NALCN: variants seen among roughly 807,000 people sequenced by gnomAD.
The protein encoded by NALCN is sodium leak channel NALCN.
In NALCN, 111 loss-of-function variants were observed where a neutral mutation model predicts 225.3. That is an observed-to-expected ratio of 0.49 (90% CI 0.42 to 0.58). The LOEUF is 0.58. Ranked by LOEUF, NALCN falls within the 20% of genes least tolerant of loss-of-function variation. NALCN has a pLI of 0.00. For missense variants in NALCN, 1,378 were observed against 2,202.4 expected (o/e 0.63, Z 7.49); for synonymous variants, 764 against 769.0 (o/e 0.99, Z 0.11).
chr13:101,318,837 G>C (rs137978177), intron 7 of NALCN, among the ~76,000 whole-genome samples: 21 of 152,216 alleles, frequency 1.4e-4, no homozygotes, highest in Middle Eastern at 6.8e-3. Flanking sequence ...ATGACACTGC[G>C]CAAGATTGTC....
At chr13:101,090,130 G>A (rs1213345163) in intron 28 of NALCN, among the ~76,000 whole-genome samples, 164 bp from the exon 29 acceptor site, 2 of 152,024 alleles carry the variant, frequency 1.3e-5, no homozygotes, top group Admixed American at 1.3e-4. Flanking sequence ...ACATACATAT[G>A]TGTGTATATG....
At chr13:101,252,445 C>G (rs7338000) in intron 11 of NALCN, among the ~76,000 whole-genome samples, 45,541 of 151,934 alleles carry the variant, frequency 0.3, 7,577 homozygotes, top group Non-Finnish European at 0.38. Context: ...AATAGCAGAG[C>G]TTTTTGTTTT....
intron 9 of NALCN, among the ~76,000 whole-genome samples, chr13:101,290,934 G>A (rs927869869): frequency 6.6e-6 from 1 of 151,886 alleles, no homozygotes; most frequent in African/African-American, 2.4e-5. Context: ...AAAGATTCAC[G>A]CTAGAAGAAG....
At chr13:101,410,844 G>A (rs558900914) in intron 1 of NALCN, among the ~76,000 whole-genome samples, 1 of 152,306 alleles carries the variant, frequency 6.6e-6, no homozygotes, top group East Asian at 1.9e-4. Context: ...CAAGCTCGAT[G>A]ATCGGAAATT....
chr13:101,313,900 T>C (rs1256546781), intron 7 of NALCN, among the ~76,000 whole-genome samples: 1 of 151,956 alleles, frequency 6.6e-6, no homozygotes, highest in Non-Finnish European at 1.5e-5. Context: ...AGCAAAGACT[T>C]GGAACCAACC....
Position 101,292,477 on chromosome 13 carries a change from G to A in NALCN, c.800-111C>T, listed in dbSNP as rs2043590088. ...CATACTTATTTTCTCAATGACAAAA[G>A]TGCTTCAAAAATTGATTAGAATCAC... On this transcript the variant is annotated intron_variant, in intron 7 of 43. Transcript: ENST00000251127. The surrounding 1 kb of genome is among the most constrained non-coding windows in gnomAD (Gnocchi z 4.3). 1.7e-6 allele frequency: 2 copies of A among 1,154,820 alleles called. No individual in the cohort carries two copies. The highest frequency in any genetic ancestry group is 1.6e-5 in the African/African-American group (1 of 64,464). 71.5% of individuals were successfully genotyped at this position (1,154,820 alleles called of 1,614,324 possible).
chr13:101,218,207 C>G (rs979479640), intron 13 of NALCN, among the ~76,000 whole-genome samples: 5 of 152,096 alleles, frequency 3.3e-5, no homozygotes, highest in Non-Finnish European at 5.9e-5. Context: ...CATCAGGAAG[C>G]CTGGAAATGT....
chr13:101,176,303 T>C lies in NALCN; in HGVS notation c.1836A>G (p.Lys612=), dbSNP rs17582557. 75,098 of 1,581,280 alleles carry C rather than the reference T, an allele frequency of 0.047. 2,031 individuals are homozygous for C. The highest frequency in any genetic ancestry group is 0.053 in the Non-Finnish European group (62,468 of 1,167,640). ...AAATCCCCCACACACTACTTACTTG[T>C]TTAAGCTTCTTTAGGTCTTCATCAA... ...LELDEDLKKL[K]QLKQSEANAD... Residue 612 remains lysine, a synonymous_variant, in exon 15 of 44, where the codon AAA becomes AAG. Coordinates refer to ENST00000251127, the MANE Select transcript of NALCN (RefSeq NM_052867.4).
At chr13:101,072,901 T>G (rs2032995082) in intron 37 of NALCN, among the ~76,000 whole-genome samples, 1 of 152,218 alleles carries the variant, frequency 6.6e-6, no homozygotes, top group Non-Finnish European at 1.5e-5. Flanking sequence ...AATTGGACAG[T>G]GCAGATTTCC....
At chr13:101,120,752 A>G (rs867310284) in intron 18 of NALCN, among the ~76,000 whole-genome samples, 36 of 152,328 alleles carry the variant, frequency 2.4e-4, no homozygotes, top group African/African-American at 6.5e-4. Flanking sequence ...ATGTTGAACC[A>G]AAGCCGGGGG....
At chr13:101,311,101 T>C (rs1275131495) in intron 7 of NALCN, among the ~76,000 whole-genome samples, 1 of 150,734 alleles carries the variant, frequency 6.6e-6, no homozygotes, top group Non-Finnish European at 1.5e-5. Context: ...GATTGCTAGG[T>C]ATTTTATTCT....
chr13:101,305,413 G>A (rs2044123010), intron 7 of NALCN, among the ~76,000 whole-genome samples: 1 of 152,174 alleles, frequency 6.6e-6, no homozygotes, highest in Admixed American at 6.5e-5. Context: ...ACAAATCATT[G>A]AAGTTAAAGA....
chr13:101,059,035 C>G (rs1163733557), intron 42 of NALCN: 4 of 152,392 alleles, frequency 2.6e-5, no homozygotes, highest in Non-Finnish European at 4.4e-5. Flanking sequence ...ACTCTGGCCC[C>G]TGGCTGCGTT....
chr13:101,114,346 A>C (rs1034180098), intron 18 of NALCN, among the ~76,000 whole-genome samples: 31 of 151,934 alleles, frequency 2.0e-4, no homozygotes, highest in African/African-American at 6.0e-4. Flanking sequence ...GCTTTCTTTG[A>C]ATTTTAGTTG....
intron 38 of NALCN, 101 bp downstream of exon 38, chr13:101,068,594 C>T: frequency 8.1e-7 from 1 of 1,231,496 alleles, no homozygotes; most frequent in Non-Finnish European, 1.1e-6. Flanking sequence ...TGCCATGAAA[C>T]ACCCACCCCA....
chr13:101,153,418 C>T (rs970813104), intron 15 of NALCN, among the ~76,000 whole-genome samples: 1 of 152,184 alleles, frequency 6.6e-6, no homozygotes, highest in Non-Finnish European at 1.5e-5. Context: ...AACTCAACCT[C>T]TCCCTCTTTC....
In NALCN at chr13:101,378,641, AG is replaced by A. The variant is rs2139426437; in HGVS notation, c.303del (p.Tyr102MetfsTer2). ...AAAACACACCAGCGATCTTTCACATAGGAACTATCCCCCTAAAAATAAATTT... is the reference window on the plus strand; with the variant it reads ...AAAACACACCAGCGATCTTTCACATAGAACTATCCCCCTAAAAATAAATTT... ...HIRGIVKGDSSYVKDRWCVFD... is the reference protein window; with the variant it reads ...HIRGIVKGDSXYVKDRWCVFD... On this transcript the variant is annotated frameshift_variant, in exon 4 of 44. Transcript: ENST00000251127. LOFTEE classifies it high-confidence loss of function. 1 of 1,610,084 alleles carries A rather than the reference AG, an allele frequency of 6.2e-7. No individual in the cohort carries two copies. Among genetic ancestry groups the A allele is most frequent in the Non-Finnish European group, 8.5e-7 (1 of 1,177,742 alleles).
intron 7 of NALCN, among the ~76,000 whole-genome samples, chr13:101,334,809 T>A (rs148079493): frequency 6.6e-6 from 1 of 151,794 alleles, no homozygotes; most frequent in Non-Finnish European, 1.5e-5. Context: ...ACCACTTAAA[T>A]GTCTATCAGT....
intron 10 of NALCN, among the ~76,000 whole-genome samples, chr13:101,266,214 C>A (rs911698998): frequency 6.6e-6 from 1 of 152,172 alleles, no homozygotes; most frequent in Admixed American, 6.5e-5. Context: ...TCTTGGAAAG[C>A]ACTCTAAGGA....
Sources: gnomAD v4.1 joint callset for allele counts (sites outside exome capture counted in the v4.1 genomes callset) on GRCh38, gnomAD v4.1.1 for gene constraint, Gnocchi (gnomAD v3.1) non-coding constraint, MANE v1.5 for transcripts, NCBI Gene and HGNC (gene_info 2026-07-23, HGNC 2026-07-21) for gene names.